CSRNP1: variants seen among roughly 807,000 people sequenced by gnomAD.
CSRNP1 encodes the protein cysteine and serine rich nuclear protein 1.
A neutral mutation model predicts 25.0 loss-of-function variants in CSRNP1; 8 were observed. The observed-to-expected ratio is 0.32, with a 90% CI of 0.19 to 0.58. CSRNP1 has a LOEUF of 0.58. Among genes scored for constraint, CSRNP1 ranks in the 20% least tolerant of loss-of-function variants. The probability of loss-of-function intolerance (pLI) is 0.88; values close to 1 mark genes in which losing one functional copy is unlikely to be tolerated. For missense variants in CSRNP1, 691 were observed against 773.1 expected, an observed-to-expected ratio of 0.89 and a Z score of 1.26; for synonymous variants, 305 against 303.1, an observed-to-expected ratio of 1.01 and a Z score of -0.06.
At chr3:39,150,243 T>A (rs1225034222) in intron 1 of CSRNP1, 2 of 152,198 alleles carry the variant, frequency 1.3e-5, no homozygotes, top group Non-Finnish European at 2.9e-5. Context: ...AAAACCCTGG[T>A]ATTTCCCTAT....
intron 1 of CSRNP1, among the ~76,000 whole-genome samples, chr3:39,147,511 T>C (rs935105847): frequency 1.3e-5 from 2 of 152,044 alleles, no homozygotes; most frequent in African/African-American, 4.8e-5. Flanking sequence ...CGCTCCACTG[T>C]CAAGAAGTCT....
intron 1 of CSRNP1, chr3:39,151,637 C>T (rs540038438): frequency 6.6e-6 from 1 of 152,446 alleles, no homozygotes; most frequent in Non-Finnish European, 1.5e-5. Context: ...GCCAGTCCCC[C>T]CAAAACACTT....
chr3:39,144,863 T>C, intron 3 of CSRNP1, 134 bp downstream of exon 3: 1 of 1,112,578 alleles, frequency 9.0e-7, no homozygotes, highest in Non-Finnish European at 1.3e-6. Context: ...ATCAAGCCAA[T>C]CACCAGGCCC....
At chr3:39,147,993 T>A (rs371224003) in intron 1 of CSRNP1, among the ~76,000 whole-genome samples, 10 of 152,312 alleles carry the variant, frequency 6.6e-5, no homozygotes, top group African/African-American at 2.4e-4. Flanking sequence ...TGTCTTGGTC[T>A]CCTCTACTCA....
In CSRNP1 at chr3:39,146,349, T is replaced by C. The variant is rs934676670; in HGVS notation, c.205+129A>G. ...TGGACACTGAGTGACCACTATATTA[T>C]AGCTCATGAGAGCTACCGCCATGGG... On this transcript the variant is annotated intron_variant, in intron 2 of 4. Transcript: ENST00000273153. 6.7e-6 allele frequency: 8 copies of C among 1,185,960 alleles called. No individual in the cohort carries two copies. In the Admixed American group the frequency reaches 1.2e-4, roughly 17 times the overall value. 73.5% of individuals were successfully genotyped at this position (1,185,960 alleles called of 1,614,324 possible). A position where few individuals can be genotyped will look rare whatever the true frequency, so the allele number is the denominator to read the frequency against.
chr3:39,150,908 C>T (rs2039572124), intron 1 of CSRNP1: 1 of 152,264 alleles, frequency 6.6e-6, no homozygotes, highest in Non-Finnish European at 1.5e-5. Context: ...CTCCCTGATA[C>T]TCCTCTGGAG....
intron 2 of CSRNP1, among the ~76,000 whole-genome samples, chr3:39,145,623 T>G (rs191738111): frequency 1.7e-3 from 266 of 152,396 alleles, no homozygotes; most frequent in Middle Eastern, 6.8e-3. Context: ...GCTTTCCCTT[T>G]ACAAGTTAAT....
At chr3:39,150,397 G>A (rs1195863973) in intron 1 of CSRNP1, 3 of 152,236 alleles carry the variant, frequency 2.0e-5, no homozygotes, top group African/African-American at 7.2e-5. Flanking sequence ...GAGGTAAGCA[G>A]ACCAGCCCTG....
intron 1 of CSRNP1, among the ~76,000 whole-genome samples, chr3:39,147,039 T>C (rs2039522409): frequency 1.7e-5 from 1 of 58,040 alleles, no homozygotes; most frequent in African/African-American, 6.6e-5. Flanking sequence ...CTTACATACA[T>C]ACACAAAACA....
chr3:39,149,986 T>C (rs1234700972), intron 1 of CSRNP1: 1 of 152,196 alleles, frequency 6.6e-6, no homozygotes, highest in Non-Finnish European at 1.5e-5. Context: ...AATCAGGAGA[T>C]GAATGACACC....
At position 39,142,826 on chromosome 3, in the gene CSRNP1, G is replaced by C; in HGVS notation, c.*229C>G. ...ATAGAAGAGCAAGCTGTGGGTGTGG[G>C]GGGCCGGGCAGCTGAAAGGGGAAGC... On this transcript the variant is annotated 3_prime_UTR_variant, in exon 5 of 5. Transcript: ENST00000273153. 2.3e-6 allele frequency: 1 copy of C among 431,554 alleles called. No individual in the cohort carries two copies. Among genetic ancestry groups the C allele is most frequent in the Admixed American group, 4.0e-5 (1 of 24,948 alleles). The allele number at this position is 431,554 out of a possible 1,614,324, so 26.7% of individuals were successfully genotyped here.
intron 2 of CSRNP1, 40 bp downstream of exon 2, chr3:39,146,438 G>T (rs1336523573): frequency 6.7e-7 from 1 of 1,483,828 alleles, no homozygotes; most frequent in Non-Finnish European, 9.0e-7. Flanking sequence ...TTTCAGGAAG[G>T]CAGGCAGGTG....
In CSRNP1 at chr3:39,144,058, T is replaced by C. The variant is rs982907624; in HGVS notation, c.781-14A>G. On this transcript the variant is annotated splice_polypyrimidine_tract_variant and intron_variant, in intron 4 of 4. Transcript: ENST00000273153. ...TGTGTGGTCCATCTGCAGAGAAAAG[T>C]AGAGGTACAAGTGAGGGTTCTGTGG... is the stretch of plus-strand genomic sequence containing the variant. 1 of 1,609,130 alleles carries C rather than the reference T, an allele frequency of 6.2e-7. No individual in the cohort carries two copies. The highest frequency in any genetic ancestry group is 1.3e-5 in the African/African-American group (1 of 74,916).
At chr3:39,146,425 A>G (rs2039511516) in intron 2 of CSRNP1, 53 bp downstream of exon 2, 2 of 1,476,808 alleles carry the variant, frequency 1.4e-6, no homozygotes, top group African/African-American at 1.4e-5. Context: ...TCTAAATTTC[A>G]TCTTTCAGGA....
rs755219744 is a variant in CSRNP1, at chr3:39,144,446, C to T, written c.471G>A (p.Ser157=). ...EKLEMLQWKL[S]AAGVPQAEAG... is the part of the protein sequence containing the mutation. ...CCTCTGCCTGGGGTACCCCAGCTGC[C>T]GAAAGCTGCATCCACAGGAAAGAGG... The change falls in exon 4 of 5, where the codon TCG becomes TCA. Residue 157 remains serine (S), a synonymous_variant. Coordinates refer to ENST00000273153, the MANE Select transcript of CSRNP1 (RefSeq NM_033027.4). 17 of 1,600,468 alleles carry T rather than the reference C, an allele frequency of 1.1e-5. No individual in the cohort carries two copies. The highest frequency in any genetic ancestry group is 5.4e-5 in the African/African-American group (4 of 74,728).
chr3:39,144,381 G>T lies in CSRNP1; in HGVS notation c.536C>A (p.Ser179Tyr), dbSNP rs762367732. 1.2e-6 allele frequency: 2 copies of T among 1,613,914 alleles called. No individual in the cohort carries two copies. Among genetic ancestry groups the T allele is most frequent in the South Asian group, 1.1e-5 (1 of 91,090 alleles). Reference sequence around the variant, plus strand: ...AGCGACTGCCAAGTCCTCCTCCACAGAGGCGTCATCAATGGCATCCACCAC... The same window carrying T: ...AGCGACTGCCAAGTCCTCCTCCACATAGGCGTCATCAATGGCATCCACCAC... Reference protein sequence around the residue: ...PPVVDAIDDASVEEDLAVAVA... With the variant: ...PPVVDAIDDAYVEEDLAVAVA... Residue 179 changes from serine (S) to tyrosine (Y), a missense_variant, in exon 4 of 5, where the codon TCT becomes TAT. Ser to Tyr is a moderately radical substitution (Grantham distance 144). Coordinates refer to ENST00000273153, the MANE Select transcript of CSRNP1 (RefSeq NM_033027.4).
rs372969486 is a variant in CSRNP1 at position 39,144,133 on chromosome 3, A to G, written c.780+4T>C. On this transcript the variant is annotated splice_donor_region_variant and intron_variant, in intron 4 of 4. Transcript: ENST00000273153. Reference sequence around the variant, plus strand: ...GGATCCCCATCCCAGTCCAGCCACCACACCTGGCACTTGATGCCTGCCAGG... The same window carrying G: ...GGATCCCCATCCCAGTCCAGCCACCGCACCTGGCACTTGATGCCTGCCAGG... 49 of 1,611,226 alleles carry G rather than the reference A, an allele frequency of 3.0e-5. No homozygotes were observed. The highest frequency in any genetic ancestry group is 4.1e-5 in the Non-Finnish European group (48 of 1,178,232).
chr3:39,144,922 T>G (rs1386812482), intron 3 of CSRNP1, 75 bp downstream of exon 3: 14 of 1,019,898 alleles, frequency 1.4e-5, no homozygotes, highest in Non-Finnish European at 1.8e-5. Flanking sequence ...CACCCACCCC[T>G]GGTACGCCCA....
chr3:39,142,823 T>C lies in CSRNP1; in HGVS notation c.*232A>G. ...GAGATAGAAGAGCAAGCTGTGGGTG[T>C]GGGGGGCCGGGCAGCTGAAAGGGGA... On this transcript the variant is annotated 3_prime_UTR_variant, in exon 5 of 5. Transcript: ENST00000273153. 2.3e-6 allele frequency: 1 copy of C among 426,774 alleles called. No homozygotes were observed. The highest frequency in any genetic ancestry group is 4.1e-6 in the Non-Finnish European group (1 of 241,214). The allele number at this position is 426,774 out of a possible 1,614,324, so 26.4% of individuals were successfully genotyped here. A position where few individuals can be genotyped will look rare whatever the true frequency, so the allele number is the denominator to read the frequency against.
Sources: allele counts gnomAD v4.1 joint callset (sites outside exome capture counted in the v4.1 genomes callset), GRCh38; gene constraint gnomAD v4.1.1; transcripts MANE v1.5; gene names NCBI Gene and HGNC (gene_info 2026-07-23, HGNC 2026-07-21).